TRIM48: variants seen among roughly 807,000 people sequenced by gnomAD.
TRIM48 encodes the protein tripartite motif containing 48, also known as E3 ubiquitin-protein ligase TRIM48.
Under a neutral mutation model 29.5 loss-of-function variants are expected in TRIM48, and 31 were observed. The ratio of observed to expected loss-of-function variants is 1.05; its 90% CI spans 0.79 to 1.42. The LOEUF is 1.42. Among genes scored for constraint, TRIM48 ranks in the 40% most tolerant of loss-of-function variants. The pLI, the probability that TRIM48 is intolerant of heterozygous loss-of-function variation, is 0.00. For synonymous variants in TRIM48, 128 were observed against 90.6 expected (o/e 1.41, Z -2.34); for missense variants, 344 against 265.0 (o/e 1.30, Z -2.07).
In TRIM48 at chr11:55,268,335, T is replaced by G. The variant is rs1255065070; in HGVS notation, c.556-15T>G. 2.8e-6 allele frequency: 4 copies of G among 1,412,864 alleles called. 1 individual carries two copies. Among genetic ancestry groups the G allele is most frequent in the Non-Finnish European group, 3.8e-6 (4 of 1,046,552 alleles). The allele number at this position is 1,412,864 out of a possible 1,614,324, so 87.5% of individuals were successfully genotyped here. ...TGTGAACTGCACTAAATCTTTCTAT[T>G]TTTTTTTTTTACAGGCTTTTGGAGA... is the stretch of plus-strand genomic sequence containing the variant. On this transcript the variant is annotated splice_polypyrimidine_tract_variant and intron_variant, in intron 3 of 5. Transcript: ENST00000417545.
chr11:55,267,081 A>G (rs1857405300), intron 3 of TRIM48, among the ~76,000 whole-genome samples: 2 of 148,130 alleles, frequency 1.4e-5, no homozygotes, highest in African/African-American at 4.9e-5. Context: ...TCTAGTAACT[A>G]TAGCTCTATA....
chr11:55,270,969 G>A lies in TRIM48; in HGVS notation c.*534G>A. 1.3e-6 allele frequency: 2 copies of A among 1,535,882 alleles called. No individual in the cohort carries two copies. The highest frequency in any genetic ancestry group is 1.8e-6 in the Non-Finnish European group (2 of 1,136,596). ...CAAATCAGAAATGTGTTCATCTGCT[G>A]TGGGAACCCCTTTATCCCAGAAAGC... On this transcript the variant is annotated 3_prime_UTR_variant, in exon 6 of 6. Coordinates refer to ENST00000417545, the MANE Select transcript of TRIM48 (RefSeq NM_024114.5).
Position 55,270,456 on chromosome 11 carries a change from C to G in TRIM48, c.*21C>G, listed in dbSNP as rs541764586. 1 of 1,526,718 alleles carries G rather than the reference C, an allele frequency of 6.5e-7. No homozygotes were observed. Among genetic ancestry groups the G allele is most frequent in the African/African-American group, 1.4e-5 (1 of 72,240 alleles). 94.6% of individuals were successfully genotyped at this position (1,526,718 alleles called of 1,614,324 possible). A position where few individuals can be genotyped will look rare whatever the true frequency, so the allele number is the denominator to read the frequency against. The stretch of plus-strand genomic sequence containing the variant: ...TTGCAGTGGATATTACTCTGCATCA[C>G]AATGAAGCCAACAGTCATATCTTCC... On this transcript the variant is annotated 3_prime_UTR_variant, in exon 6 of 6. Coordinates refer to ENST00000417545, the MANE Select transcript of TRIM48 (RefSeq NM_024114.5).
intron 5 of TRIM48, among the ~76,000 whole-genome samples, chr11:55,270,215 T>G (rs1565079811): frequency 6.7e-6 from 1 of 148,208 alleles, no homozygotes; most frequent in African/African-American, 2.5e-5. Context: ...GTATGTAAGT[T>G]TTCAAAACAT....
At chr11:55,263,379 G>A (rs191792368) in intron 1 of TRIM48, among the ~76,000 whole-genome samples, 89 of 152,058 alleles carry the variant, frequency 5.9e-4, no homozygotes, top group African/African-American at 1.6e-3. Context: ...AAACCTAGGC[G>A]CAGTGACTCA....
chr11:55,264,947 G>A lies in TRIM48; in HGVS notation c.92G>A (p.Cys31Tyr). Reference sequence around the variant, plus strand: ...CAAGTCTTCCAGAGGGAACTCACCTGCCCCATCTGCATGAACTACTTCATA... The same window carrying A: ...CAAGTCTTCCAGAGGGAACTCACCTACCCCATCTGCATGAACTACTTCATA... The part of the protein sequence containing the change: ...ISQVFQRELT[C>Y]PICMNYFIDP... Residue 31 changes from cysteine (C) to tyrosine (Y), a missense_variant, in exon 2 of 6, where the codon TGC (cysteine) becomes TAC (tyrosine). Physicochemically the swap from Cys to Tyr is radical, Grantham distance 194. Transcript: ENST00000417545. The A allele has an allele frequency of 6.3e-7, 1 of 1,583,988 alleles. No homozygotes were observed.
At chr11:55,270,300 C>A in intron 5 of TRIM48, 137 bp from the exon 6 acceptor site, 1 of 657,522 alleles carries the variant, frequency 1.5e-6, no homozygotes, top group Non-Finnish European at 2.4e-6. Context: ...TTAGAAGTTA[C>A]AAGCAAAAGT....
chr11:55,265,591 C>CT lies in TRIM48; in HGVS notation c.460-5dup. ...TTCACTGGTGCTTCAATTTATGGCT[C>CT]TTTTGCAGGAGAAGCTTTTAAAGAA... On this transcript the variant is annotated splice_polypyrimidine_tract_variant and intron_variant, in intron 2 of 5. Coordinates refer to ENST00000417545, the MANE Select transcript of TRIM48 (RefSeq NM_024114.5). The CT allele has an allele frequency of 6.3e-7, 1 of 1,579,156 alleles. No individual in the cohort carries two copies. The highest frequency in any genetic ancestry group is 8.6e-7 in the Non-Finnish European group (1 of 1,163,750).
rs560684904 is a variant in TRIM48 at position 55,269,328 on chromosome 11, A to T, written c.665A>T (p.Asn222Ile). The T allele has an allele frequency of 1.5e-5, 24 of 1,575,286 alleles. 3 individuals carry two copies. In the Admixed American group the frequency reaches 3.1e-4, roughly 20 times the overall value. The change falls in exon 5 of 6, where the codon AAC becomes ATC. Residue 222 changes from asparagine (N) to isoleucine (I), a missense_variant. Coordinates refer to ENST00000417545, the MANE Select transcript of TRIM48 (RefSeq NM_024114.5). ...ATCACTGGACTGAGGGACAGGCTCA[A>T]CCAATTCTGAGGTAAGTCTCCACCC... ...GPITGLRDRL[N>I]QF
chr11:55,268,951 G>C (rs1373614367), intron 4 of TRIM48, among the ~76,000 whole-genome samples: 1 of 147,808 alleles, frequency 6.8e-6, no homozygotes, highest in East Asian at 2.1e-4. Context: ...GCCAAGAAGT[G>C]GAACTCAGAA....
intron 5 of TRIM48, among the ~76,000 whole-genome samples, 197 bp from the exon 6 acceptor site, chr11:55,270,240 G>T (rs1210076126): frequency 6.8e-6 from 1 of 147,866 alleles, no homozygotes; most frequent in Non-Finnish European, 1.5e-5. Flanking sequence ...AATATCTGTG[G>T]TTAGCATTTT....
intron 1 of TRIM48, among the ~76,000 whole-genome samples, chr11:55,262,628 G>A (rs182585045): frequency 7.2e-4 from 109 of 152,090 alleles, no homozygotes; most frequent in African/African-American, 2.6e-3. Context: ...TGTAATGAGT[G>A]TATTAATATT....
intron 4 of TRIM48, 131 bp downstream of exon 4, chr11:55,268,503 A>G: frequency 5.6e-6 from 5 of 893,830 alleles, no homozygotes; most frequent in Non-Finnish European, 8.5e-6. Flanking sequence ...TTTCATTCCC[A>G]CACCAGAAAA....
At position 55,265,105 on chromosome 11, in the gene TRIM48, A is replaced by G. The variant is rs755271162; in HGVS notation, c.250A>G (p.Ile84Val). ...TIQQRNLKTN[I>V]RLKKMASLAR... ...ACAGCAGAGAAACCTCAAAACTAAC[A>G]TTCGATTGAAGAAGATGGCTTCCCT... Residue 84 changes from isoleucine to valine, a missense_variant, in exon 2 of 6, where the codon ATT becomes GTT. Coordinates refer to ENST00000417545, the MANE Select transcript of TRIM48 (RefSeq NM_024114.5). The G allele has an allele frequency of 6.3e-7, 1 of 1,582,796 alleles. No individual in the cohort carries two copies.
intron 3 of TRIM48, among the ~76,000 whole-genome samples, chr11:55,266,779 T>C (rs1857400629): frequency 6.8e-6 from 1 of 147,812 alleles, no homozygotes; most frequent in Non-Finnish European, 1.5e-5. Context: ...TGTGTCTGTG[T>C]GTAAAATTCC....
intron 3 of TRIM48, among the ~76,000 whole-genome samples, chr11:55,265,910 G>C (rs536449960): frequency 6.8e-6 from 1 of 147,186 alleles, no homozygotes; most frequent in African/African-American, 2.5e-5. Context: ...GTTACCCAAA[G>C]CATGCTGATT....
chr11:55,269,156 T>A, intron 4 of TRIM48, 86 bp from the exon 5 acceptor site: 1 of 1,479,248 alleles, frequency 6.8e-7, no homozygotes, highest in South Asian at 1.3e-5. Context: ...TTCAAAGGAT[T>A]CTCATGAAAT....
chr11:55,263,384 G>T (rs1590619559), intron 1 of TRIM48, among the ~76,000 whole-genome samples: 1 of 152,186 alleles, frequency 6.6e-6, no homozygotes, highest in South Asian at 2.1e-4. Flanking sequence ...TAGGCGCAGT[G>T]ACTCATGCCT....
intron 3 of TRIM48, among the ~76,000 whole-genome samples, chr11:55,266,462 G>A (rs1190564469): frequency 6.8e-6 from 1 of 147,584 alleles, no homozygotes; most frequent in Non-Finnish European, 1.5e-5. Context: ...ATAGAAGAAA[G>A]AAAGCATCTT....
Sources: gnomAD v4.1 joint callset for allele counts (sites outside exome capture counted in the v4.1 genomes callset) on GRCh38, gnomAD v4.1.1 for gene constraint, MANE v1.5 for transcripts, NCBI Gene and HGNC (gene_info 2026-07-23, HGNC 2026-07-21) for gene names.